The following COLEC12 variants were observed in gnomAD, a reference collection of about 807,000 sequenced individuals.
The protein encoded by COLEC12 is collectin-12.
COLEC12 carries 33 observed loss-of-function variants against 71.1 expected under a neutral mutation model. That is an observed-to-expected ratio of 0.46 (90% CI 0.35 to 0.62). The LOEUF is 0.62. Ranked by LOEUF, COLEC12 falls within the 20% of genes least tolerant of loss-of-function variation. The pLI, the probability that COLEC12 is intolerant of heterozygous loss-of-function variation, is 0.00. For missense variants in COLEC12, 765 were observed against 916.1 expected, an observed-to-expected ratio of 0.84 and a Z score of 2.13; for synonymous variants, 350 against 353.0, an observed-to-expected ratio of 0.99 and a Z score of 0.10.
At chr18:323,081 T>C (rs541210861) in intron 8 of COLEC12, among the ~76,000 whole-genome samples, 12 of 152,162 alleles carry the variant, frequency 7.9e-5, no homozygotes, top group South Asian at 4.2e-4. Flanking sequence ...AAAAATTAGC[T>C]GGGCATGGTG....
chr18:447,376 G>A lies in COLEC12; in HGVS notation c.58+33331C>T, dbSNP rs146608649. On this transcript the variant is annotated intron_variant, in intron 2 of 9. Transcript: ENST00000400256. Reference sequence around the variant, plus strand: ...GGACATCCCTTCCACTTCCCCTGTGGCAGCATGAACTTCCTCTGTTTCTCA... The same window carrying A: ...GGACATCCCTTCCACTTCCCCTGTGACAGCATGAACTTCCTCTGTTTCTCA... Among the ~76,000 whole-genome samples, 26 of 152,302 alleles carry A rather than the reference G, an allele frequency of 1.7e-4. 1 individual carries two copies. The East Asian group carries it at 4.8e-3, about 28-fold the overall frequency.
At chr18:454,876 T>C (rs924768842) in intron 2 of COLEC12, among the ~76,000 whole-genome samples, 5 of 152,236 alleles carry the variant, frequency 3.3e-5, no homozygotes, top group African/African-American at 1.2e-4. Flanking sequence ...GTCTGGCATA[T>C]GACAGATACT....
chr18:371,132 C>A lies in COLEC12; in HGVS notation c.59-13610G>T, dbSNP rs117218098. 5.6e-3 allele frequency among the ~76,000 whole-genome samples: 846 copies of A among 152,310 alleles called. 2 individuals carry two copies. The highest frequency in any genetic ancestry group is 8.6e-3 in the Non-Finnish European group (584 of 68,024). On this transcript the variant is annotated intron_variant, in intron 2 of 9. Transcript: ENST00000400256. The stretch of plus-strand genomic sequence containing the variant: ...ATACAACCTACTGGTTGCCCTGAAA[C>A]AATCTGTCACTTTCTACAGTACTTG...
intron 2 of COLEC12, among the ~76,000 whole-genome samples, chr18:389,220 CACACACG>C (rs1915409243): frequency 6.6e-6 from 1 of 150,632 alleles, no homozygotes; most frequent in Admixed American, 6.7e-5. Flanking sequence ...CACACACACA[CACACACG>C]GCCATGATAT....
chr18:464,264 A>G (rs1408126624), intron 2 of COLEC12, among the ~76,000 whole-genome samples: 1 of 152,218 alleles, frequency 6.6e-6, no homozygotes, highest in Non-Finnish European at 1.5e-5. Flanking sequence ...GTCATGAGTC[A>G]CTATTCTGCA....
intron 1 of COLEC12, among the ~76,000 whole-genome samples, chr18:487,222 AAC>A (rs1262582239): frequency 6.6e-6 from 1 of 152,228 alleles, no homozygotes. Context: ...TCACAAAAAA[AAC>A]ACACACACAT....
chr18:447,767 T>C (rs563832382), intron 2 of COLEC12, among the ~76,000 whole-genome samples: 59 of 152,306 alleles, frequency 3.9e-4, no homozygotes, highest in African/African-American at 1.3e-3. Flanking sequence ...GTAAAACCAT[T>C]AAATTGCAAG....
intron 2 of COLEC12, among the ~76,000 whole-genome samples, chr18:455,655 C>A (rs9966760): frequency 0.066 from 9,929 of 151,184 alleles, 1,096 homozygotes; most frequent in African/African-American, 0.23. Flanking sequence ...TTGCCCCCCC[C>A]TCCCCTGACA....
chr18:377,682 A>G (rs1479231994), intron 2 of COLEC12, among the ~76,000 whole-genome samples: 8 of 152,232 alleles, frequency 5.3e-5, no homozygotes, highest in Non-Finnish European at 1.5e-5. Flanking sequence ...CATTGCTGGC[A>G]GCTTTGAAGA....
chr18:321,303 C>A (rs1567871715), intron 9 of COLEC12, among the ~76,000 whole-genome samples: 1 of 152,332 alleles, frequency 6.6e-6, no homozygotes, highest in Admixed American at 6.5e-5. Flanking sequence ...ATCTGCCCGC[C>A]TCCACCTCCC....
At chr18:407,977 G>T (rs911509498) in intron 2 of COLEC12, among the ~76,000 whole-genome samples, 1 of 152,208 alleles carries the variant, frequency 6.6e-6, no homozygotes, top group African/African-American at 2.4e-5. Context: ...AGTCAGAATT[G>T]CAAAACCCTG....
At chr18:432,099 T>C (rs1916315863) in intron 2 of COLEC12, among the ~76,000 whole-genome samples, 1 of 152,162 alleles carries the variant, frequency 6.6e-6, no homozygotes, top group South Asian at 2.1e-4. Context: ...ATCTTCTCCA[T>C]CTTTTTGTCT....
In COLEC12 at chr18:486,894, T is replaced by C. The variant is rs112206649; in HGVS notation, c.8-6137A>G. On this transcript the variant is annotated intron_variant, in intron 1 of 9. Coordinates refer to ENST00000400256, the MANE Select transcript of COLEC12 (RefSeq NM_130386.3). Reference sequence around the variant, plus strand: ...GGAATGTAAAATGGTGCAGCCACCATGGAAAACAGTCTGGCTGTTTCTCAA... The same window carrying C: ...GGAATGTAAAATGGTGCAGCCACCACGGAAAACAGTCTGGCTGTTTCTCAA... Among the ~76,000 whole-genome samples the C allele has an allele frequency of 5.9e-3, 901 of 152,328 alleles. 9 individuals carry two copies. The highest frequency in any genetic ancestry group is 0.019 in the African/African-American group (801 of 41,576).
intron 2 of COLEC12, among the ~76,000 whole-genome samples, chr18:403,253 C>T (rs909199210): frequency 6.6e-6 from 1 of 152,158 alleles, no homozygotes; most frequent in East Asian, 1.9e-4. Context: ...AGAGTTCTTA[C>T]CATTGGGTGT....
At chr18:418,630 T>C (rs1353128664) in intron 2 of COLEC12, among the ~76,000 whole-genome samples, 3 of 152,140 alleles carry the variant, frequency 2.0e-5, no homozygotes, top group Admixed American at 1.3e-4. Context: ...CCGGCCAAAA[T>C]CCACCAAAAC....
chr18:361,325 G>A (rs1324946941), intron 2 of COLEC12, among the ~76,000 whole-genome samples: 5 of 152,048 alleles, frequency 3.3e-5, no homozygotes, highest in Non-Finnish European at 5.9e-5. Flanking sequence ...TCTCCACTAG[G>A]CCATGGTCCC....
intron 2 of COLEC12, among the ~76,000 whole-genome samples, chr18:364,791 T>C (rs1410650480): frequency 2.0e-5 from 3 of 152,146 alleles, no homozygotes; most frequent in Admixed American, 6.6e-5. Flanking sequence ...ACTGAGGACC[T>C]GATATGGGCC....
At chr18:348,212 A>AT in intron 3 of COLEC12, 49 bp from the exon 4 acceptor site, 1 of 1,170,058 alleles carries the variant, frequency 8.5e-7, no homozygotes, top group Non-Finnish European at 1.3e-6. Flanking sequence ...CTCATATTTT[A>AT]TTTTTCAGTT....
rs150195122 is a variant in COLEC12, at chr18:365,836, C to T, written c.59-8314G>A. ...ATGTTGGCACTCAGAATCTTGAGGC[C>T]GGGAGGGGCGCTGGCTGTCATCTTG... On this transcript the variant is annotated intron_variant, in intron 2 of 9. Transcript: ENST00000400256. Among the ~76,000 whole-genome samples the T allele has an allele frequency of 1.7e-3, 256 of 152,208 alleles. 1 individual carries two copies. Among genetic ancestry groups the T allele is most frequent in the African/African-American group, 5.4e-3 (225 of 41,536 alleles).
Sources: gnomAD v4.1 joint callset for allele counts (sites outside exome capture counted in the v4.1 genomes callset) on GRCh38, gnomAD v4.1.1 for gene constraint, MANE v1.5 for transcripts, NCBI Gene and HGNC (gene_info 2026-07-23, HGNC 2026-07-21) for gene names.